Variants in PCSK5 observed in about 807,000 individuals in gnomAD.
The protein encoded by PCSK5 is proprotein convertase subtilisin/kexin type 5.
A neutral mutation model predicts 233.2 loss-of-function variants in PCSK5; 129 were observed. That is an observed-to-expected ratio of 0.55 (90% CI 0.48 to 0.64). The LOEUF (loss-of-function observed/expected upper bound fraction) is 0.64. PCSK5 is among the 30% of genes least tolerant of loss of function. The pLI, the probability that PCSK5 is intolerant of heterozygous loss-of-function variation, is 0.00. For synonymous variants in PCSK5, 825 were observed against 879.2 expected, an observed-to-expected ratio of 0.94 and a Z score of 1.09; for missense variants, 2,076 against 2,430.1, an observed-to-expected ratio of 0.85 and a Z score of 3.06.
chr9:76,321,556 C>G lies in PCSK5; in HGVS notation c.4019C>G (p.Pro1340Arg). 6.2e-7 allele frequency: 1 copy of G among 1,612,602 alleles called. No homozygotes were observed. The highest frequency in any genetic ancestry group is 2.2e-5 in the East Asian group (1 of 44,870). Reference protein sequence around the residue: ...LHHGVCQENCPERHVAVKGVC... With the variant: ...LHHGVCQENCRERHVAVKGVC... ...CACGGAGTGTGCCAGGAAAACTGCC[C>G]CGAGAGGCACGTGGCTGTGAAGGGG... is the stretch of plus-strand genomic sequence containing the variant. Residue 1340 changes from proline to arginine, a missense_variant, in exon 31 of 38, where the codon CCC (proline) becomes CGC (arginine). Transcript: ENST00000674117.
intron 1 of PCSK5, among the ~76,000 whole-genome samples, chr9:75,901,174 A>T (rs558106959): frequency 6.6e-6 from 1 of 152,198 alleles, no homozygotes; most frequent in Admixed American, 6.5e-5. Flanking sequence ...ATGAACACGT[A>T]TGTTTATTGC....
chr9:76,283,913 G>T (rs747319901), intron 24 of PCSK5, among the ~76,000 whole-genome samples: 20 of 152,194 alleles, frequency 1.3e-4, no homozygotes, highest in Non-Finnish European at 2.9e-4. Context: ...ATAAAGAAGG[G>T]CTGGAAGCCA....
intron 5 of PCSK5, among the ~76,000 whole-genome samples, chr9:76,056,324 G>T (rs1485827617): frequency 6.6e-6 from 1 of 151,998 alleles, no homozygotes; most frequent in East Asian, 1.9e-4. Context: ...TTCCGATCTG[G>T]GATGAAACCT....
At chr9:76,299,252 ACT>A (rs980547383) in intron 27 of PCSK5, among the ~76,000 whole-genome samples, 9 of 151,070 alleles carry the variant, frequency 6.0e-5, no homozygotes, top group African/African-American at 1.9e-4. Flanking sequence ...ATTGTGCTCG[ACT>A]CTCTGTTTTT....
At chr9:76,209,804 TA>T (rs1438635037) in intron 20 of PCSK5, among the ~76,000 whole-genome samples, 1 of 150,744 alleles carries the variant, frequency 6.6e-6, no homozygotes, top group Non-Finnish European at 1.5e-5. Flanking sequence ...ATTATCAATT[TA>T]AATATATATT....
chr9:76,257,715 C>A, intron 24 of PCSK5, among the ~76,000 whole-genome samples: 1 of 152,128 alleles, frequency 6.6e-6, no homozygotes, highest in East Asian at 1.9e-4. Flanking sequence ...CAGGGCCATG[C>A]CTCACTGATC....
intron 5 of PCSK5, among the ~76,000 whole-genome samples, chr9:76,044,875 A>G (rs1339451067): frequency 6.6e-6 from 1 of 152,192 alleles, no homozygotes; most frequent in African/African-American, 2.4e-5. Context: ...TTTAAGAGCT[A>G]TGAAGACTAT....
chr9:76,336,554 T>A (rs138265944), intron 34 of PCSK5, among the ~76,000 whole-genome samples: 12 of 152,318 alleles, frequency 7.9e-5, no homozygotes, highest in African/African-American at 2.9e-4. Flanking sequence ...GCTCAAATCA[T>A]ATTGTCTCAT....
chr9:75,953,186 G>A (rs894189579), intron 2 of PCSK5, among the ~76,000 whole-genome samples: 15 of 151,860 alleles, frequency 9.9e-5, no homozygotes, highest in African/African-American at 3.4e-4. Context: ...TTCTTTCCTG[G>A]GCAGGGCATA....
At chr9:76,301,320 A>G (rs1274058483) in intron 27 of PCSK5, among the ~76,000 whole-genome samples, 1 of 151,936 alleles carries the variant, frequency 6.6e-6, no homozygotes, top group African/African-American at 2.4e-5. Flanking sequence ...GAGGGTATAG[A>G]GATAAACAGG....
At chr9:76,040,153 G>C (rs1358965149) in intron 5 of PCSK5, among the ~76,000 whole-genome samples, 1 of 152,126 alleles carries the variant, frequency 6.6e-6, no homozygotes, top group African/African-American at 2.4e-5. Flanking sequence ...TGTCTTAAGA[G>C]TCTTGGTTGA....
intron 35 of PCSK5, among the ~76,000 whole-genome samples, chr9:76,345,511 C>T (rs1422263497): frequency 6.6e-5 from 10 of 151,808 alleles, no homozygotes; most frequent in Admixed American, 5.3e-4. Context: ...CTCTGCCTCC[C>T]GGGTTCACGC....
Position 75,891,367 on chromosome 9 carries a change from A to T in PCSK5, c.186A>T (p.Ile62=). 1 of 1,552,690 alleles carries T rather than the reference A, an allele frequency of 6.4e-7. No homozygotes were observed. Among genetic ancestry groups the T allele is most frequent in the South Asian group, 1.2e-5 (1 of 82,154 alleles). ...RIASKYGFIN[I]GQIGALKDYY... The stretch of plus-strand genomic sequence containing the variant: ...CCAGCAAGTACGGATTCATCAACAT[A>T]GGACAGGTAACGAACTACAGGCTAG... Residue 62 remains isoleucine (I), a synonymous_variant, in exon 1 of 38, where the codon ATA becomes ATT. Transcript: ENST00000674117.
chr9:76,120,752 A>G (rs1832600682), intron 9 of PCSK5, among the ~76,000 whole-genome samples: 1 of 151,154 alleles, frequency 6.6e-6, no homozygotes, highest in Non-Finnish European at 1.5e-5. Flanking sequence ...ATAATTTTTC[A>G]TATTCTTATT....
At chr9:76,268,781 G>T (rs1827419630) in intron 24 of PCSK5, among the ~76,000 whole-genome samples, 1 of 152,152 alleles carries the variant, frequency 6.6e-6, no homozygotes, top group Non-Finnish European at 1.5e-5. Context: ...GGAGGTCAAG[G>T]CTGCAGTAAC....
chr9:76,031,287 G>C (rs1283872018), intron 5 of PCSK5, among the ~76,000 whole-genome samples: 2 of 152,174 alleles, frequency 1.3e-5, no homozygotes, highest in Non-Finnish European at 1.5e-5. Context: ...TTGTAGTTTA[G>C]AGAAGTTGAC....
intron 5 of PCSK5, among the ~76,000 whole-genome samples, chr9:76,030,262 C>A (rs1259485010): frequency 2.6e-5 from 4 of 152,074 alleles, no homozygotes; most frequent in Admixed American, 2.6e-4. Flanking sequence ...CCATGAGAGT[C>A]CTGAAAGGTT....
intron 13 of PCSK5, among the ~76,000 whole-genome samples, chr9:76,171,131 T>C (rs186596485): frequency 3.3e-5 from 5 of 152,330 alleles, no homozygotes; most frequent in Admixed American, 6.5e-5. Context: ...AAGGCAGGAT[T>C]GATAGAGAAA....
chr9:76,110,309 C>A (rs1832158297), intron 9 of PCSK5, among the ~76,000 whole-genome samples: 1 of 152,216 alleles, frequency 6.6e-6, no homozygotes, highest in African/African-American at 2.4e-5. Context: ...CCTATTTGAA[C>A]TGCATGTCCT....
Sources: gnomAD v4.1 joint callset for allele counts (sites outside exome capture counted in the v4.1 genomes callset) on GRCh38, gnomAD v4.1.1 for gene constraint, MANE v1.5 for transcripts, NCBI Gene and HGNC (gene_info 2026-07-23, HGNC 2026-07-21) for gene names.